FBXL17: variants seen among roughly 807,000 people sequenced by gnomAD.
FBXL17 encodes F-box and leucine rich repeat protein 17, also known as F-box/LRR-repeat protein 17.
In FBXL17, 22 loss-of-function variants were observed where a neutral mutation model predicts 66.2. That is an observed-to-expected ratio of 0.33 (90% CI 0.24 to 0.47). The LOEUF is 0.47. FBXL17 is among the 20% of genes least tolerant of loss of function. The pLI is 1.00. For synonymous variants in FBXL17, 474 were observed against 400.5 expected, an observed-to-expected ratio of 1.18 and a Z score of -2.19; for missense variants, 878 against 948.2, an observed-to-expected ratio of 0.93 and a Z score of 0.97.
At chr5:107,876,087 A>G (rs1266402512) in intron 8 of FBXL17, among the ~76,000 whole-genome samples, 1 of 152,264 alleles carries the variant, frequency 6.6e-6, no homozygotes, top group Non-Finnish European at 1.5e-5. Context: ...TGGCCCTCAC[A>G]GCCCTCCAGG....
chr5:108,327,533 C>CA (rs1245117503), intron 4 of FBXL17, among the ~76,000 whole-genome samples: 5 of 150,836 alleles, frequency 3.3e-5, no homozygotes, highest in South Asian at 2.1e-4. Context: ...GACACCAAGG[C>CA]AAAAAAAATG....
At chr5:108,246,671 G>A (rs116713332) in intron 4 of FBXL17, among the ~76,000 whole-genome samples, 1,805 of 152,274 alleles carry the variant, frequency 0.012, 34 homozygotes, top group African/African-American at 0.04. Flanking sequence ...TTGCCATAGG[G>A]CATCTCCCAT....
At chr5:107,947,285 T>C (rs1751343823) in intron 7 of FBXL17, among the ~76,000 whole-genome samples, 1 of 152,272 alleles carries the variant, frequency 6.6e-6, no homozygotes, top group East Asian at 1.9e-4. Context: ...AAATGTCTCA[T>C]GCCTCTTCCT....
chr5:108,371,511 G>T (rs1054342442), intron 1 of FBXL17, among the ~76,000 whole-genome samples: 5 of 152,152 alleles, frequency 3.3e-5, no homozygotes, highest in Non-Finnish European at 7.3e-5. Flanking sequence ...CCTGTGAAGG[G>T]CTACAGTTTG....
chr5:108,136,637 C>A (rs1176367371), intron 6 of FBXL17, among the ~76,000 whole-genome samples: 1 of 152,128 alleles, frequency 6.6e-6, no homozygotes, highest in African/African-American at 2.4e-5. Context: ...CATACTAATA[C>A]ATAAAACTGA....
chr5:108,247,761 T>C (rs186417370), intron 4 of FBXL17, among the ~76,000 whole-genome samples: 9 of 152,314 alleles, frequency 5.9e-5, no homozygotes, highest in Non-Finnish European at 1.2e-4. Flanking sequence ...GGGCTTTTAG[T>C]GGTTTACATC....
At position 107,995,285 on chromosome 5, in the gene FBXL17, T is replaced by C. The variant is rs186216292; in HGVS notation, c.1822+25640A>G. On this transcript the variant is annotated intron_variant, in intron 7 of 8. Coordinates refer to ENST00000542267, the MANE Select transcript of FBXL17 (RefSeq NM_001163315.3). ...CATATAAAATACAGAAATGATTCAATGTTTTACAAGTCAACTATTTCCTAT... is the reference window on the plus strand; with the variant it reads ...CATATAAAATACAGAAATGATTCAACGTTTTACAAGTCAACTATTTCCTAT... Among the ~76,000 whole-genome samples, 245 of 152,352 alleles carry C rather than the reference T, an allele frequency of 1.6e-3. 1 individual carries two copies. Among genetic ancestry groups the C allele is most frequent in the Non-Finnish European group, 1.9e-3 (130 of 68,026 alleles).
chr5:108,365,242 T>G (rs549684185), intron 2 of FBXL17, among the ~76,000 whole-genome samples: 2 of 152,054 alleles, frequency 1.3e-5, no homozygotes. Flanking sequence ...TCCTAAGCAA[T>G]AGAATTTCTT....
At chr5:107,993,156 A>G (rs1753326959) in intron 7 of FBXL17, among the ~76,000 whole-genome samples, 1 of 152,096 alleles carries the variant, frequency 6.6e-6, no homozygotes, top group African/African-American at 2.4e-5. Flanking sequence ...TGGCCTCCCA[A>G]AGTGCTGGGA....
intron 6 of FBXL17, among the ~76,000 whole-genome samples, chr5:108,068,573 A>G (rs1398896391): frequency 2.0e-5 from 3 of 151,806 alleles, no homozygotes; most frequent in African/African-American, 7.3e-5. Flanking sequence ...CTCCCACCTC[A>G]GCCCCCTGAG....
chr5:108,362,862 A>G (rs2112559949), intron 3 of FBXL17, among the ~76,000 whole-genome samples: 1 of 152,222 alleles, frequency 6.6e-6, no homozygotes, highest in East Asian at 1.9e-4. Flanking sequence ...AATTATCAAT[A>G]AAATTTACAT....
chr5:108,125,263 C>A (rs1750653440), intron 6 of FBXL17, among the ~76,000 whole-genome samples: 1 of 151,958 alleles, frequency 6.6e-6, no homozygotes, highest in Admixed American at 6.6e-5. Context: ...CAAAATATTT[C>A]ATGTACCCCA....
rs547801237 is a variant in FBXL17 at position 108,296,207 on chromosome 5, A to T, written c.1506+52192T>A. Among the ~76,000 whole-genome samples the T allele has an allele frequency of 5.9e-5, 9 of 151,898 alleles. No individual in the cohort carries two copies. In the South Asian group the frequency reaches 1.9e-3, roughly 31 times the overall value. On this transcript the variant is annotated intron_variant, in intron 4 of 8. Transcript: ENST00000542267. ...TAGGGAAGAATCAAGGCTGAATCTC[A>T]AGTTTCTGGATTAGAACACTAGGAA...
chr5:107,939,945 A>T (rs190245894), intron 7 of FBXL17, among the ~76,000 whole-genome samples: 256 of 152,224 alleles, frequency 1.7e-3, no homozygotes, highest in Non-Finnish European at 2.1e-3. Context: ...TTACAGTTCC[A>T]TCCAGATGAA....
chr5:107,916,832 T>C (rs1159256209), intron 7 of FBXL17, among the ~76,000 whole-genome samples: 3 of 152,164 alleles, frequency 2.0e-5, no homozygotes, highest in Admixed American at 6.5e-5. Flanking sequence ...AATGAGAAAA[T>C]GCCTCAAACA....
intron 6 of FBXL17, among the ~76,000 whole-genome samples, chr5:108,149,481 T>C (rs1410786269): frequency 6.6e-6 from 1 of 152,216 alleles, no homozygotes; most frequent in Admixed American, 6.5e-5. Context: ...GCTTCCTCAG[T>C]CTCACTTTGA....
At chr5:108,218,814 A>G (rs1489932298) in intron 5 of FBXL17, among the ~76,000 whole-genome samples, 1 of 152,076 alleles carries the variant, frequency 6.6e-6, no homozygotes, top group Non-Finnish European at 1.5e-5. Context: ...TTCCTTATAT[A>G]TTTTGGATAG....
chr5:108,163,760 T>C (rs1302341744), intron 6 of FBXL17, among the ~76,000 whole-genome samples: 1 of 152,248 alleles, frequency 6.6e-6, no homozygotes, highest in Middle Eastern at 3.2e-3. Context: ...CGTCAAAATA[T>C]GTTTAGCATT....
chr5:108,269,528 TTTTA>T, intron 4 of FBXL17, among the ~76,000 whole-genome samples: 1 of 151,990 alleles, frequency 6.6e-6, no homozygotes, highest in South Asian at 2.1e-4. Context: ...ATTCCTCAAT[TTTTA>T]TTTATTTTTT....
Sources: allele counts gnomAD v4.1 joint callset (sites outside exome capture counted in the v4.1 genomes callset), GRCh38; gene constraint gnomAD v4.1.1; transcripts MANE v1.5; gene names NCBI Gene and HGNC (gene_info 2026-07-23, HGNC 2026-07-21).